LRTM1: variants seen among roughly 807,000 people sequenced by gnomAD.
LRTM1 encodes the protein leucine rich repeat transmembrane protein 1, also known as leucine-rich repeat and transmembrane domain-containing protein 1.
A neutral mutation model predicts 32.4 loss-of-function variants in LRTM1; 38 were observed. The observed-to-expected ratio is 1.17, with a 90% CI of 0.91 to 1.54. The LOEUF is 1.54. LRTM1 is among the 40% of genes most tolerant of loss of function. The pLI, the probability that LRTM1 is intolerant of heterozygous loss-of-function variation, is 0.00. For missense variants in LRTM1, 466 were observed against 415.4 expected (o/e 1.12, Z -1.06); for synonymous variants, 186 against 169.9 (o/e 1.09, Z -0.74).
intron 1 of LRTM1, among the ~76,000 whole-genome samples, chr3:54,939,436 T>C (rs1184962484): frequency 1.3e-5 from 2 of 152,168 alleles, no homozygotes; most frequent in South Asian, 4.1e-4. Context: ...TCCCCTGGCA[T>C]GTGGAGAAAT....
chr3:54,960,899 A>G (rs1047164098), intron 1 of LRTM1, among the ~76,000 whole-genome samples: 2 of 152,232 alleles, frequency 1.3e-5, no homozygotes, highest in East Asian at 1.9e-4. Context: ...TTGGACACCA[A>G]CAGACCTCCG....
chr3:54,922,703 G>A (rs1397879108), intron 2 of LRTM1, among the ~76,000 whole-genome samples: 2 of 151,926 alleles, frequency 1.3e-5, no homozygotes, highest in Non-Finnish European at 2.9e-5. Flanking sequence ...CTGAGCTTCG[G>A]GCTTAAATAT....
upstream of LRTM1, among the ~76,000 whole-genome samples, chr3:54,931,239 A>C (rs1241583443): frequency 6.6e-6 from 1 of 152,198 alleles, no homozygotes; most frequent in Non-Finnish European, 1.5e-5. Context: ...GGTTCCTGGC[A>C]ACATCTGCTT....
At chr3:54,928,154 GC>G (rs1299588666), upstream of LRTM1, 2 of 521,508 alleles carry the variant, frequency 3.8e-6, no homozygotes, top group Non-Finnish European at 6.8e-6. Context: ...TTGGGATCGT[GC>G]CCCTCTTCTT....
At chr3:54,952,135 T>C (rs1322682498) in intron 1 of LRTM1, among the ~76,000 whole-genome samples, 1 of 152,212 alleles carries the variant, frequency 6.6e-6, no homozygotes, top group Non-Finnish European at 1.5e-5. Flanking sequence ...TGTTAGCCAC[T>C]GGGCCTGGCT....
intron 1 of LRTM1, among the ~76,000 whole-genome samples, chr3:54,925,887 A>G (rs560069427): frequency 2.0e-4 from 31 of 152,358 alleles, no homozygotes; most frequent in South Asian, 4.1e-4. Context: ...TGCCGTTGTA[A>G]TTCCATGAAC....
intron 1 of LRTM1, 66 bp from the exon 2 acceptor site, chr3:54,925,281 G>C (rs1049684424): frequency 2.2e-6 from 3 of 1,337,392 alleles, no homozygotes; most frequent in Non-Finnish European, 3.1e-6. Flanking sequence ...GCACTTTTCC[G>C]CCTTTGAATT....
chr3:54,949,670 T>G (rs1441010402), intron 1 of LRTM1, among the ~76,000 whole-genome samples: 1 of 152,196 alleles, frequency 6.6e-6, no homozygotes, highest in Non-Finnish European at 1.5e-5. Flanking sequence ...AACAGTAACC[T>G]GAAAAACCGC....
At chr3:54,925,241 A>G in intron 1 of LRTM1, 26 bp from the exon 2 acceptor site, 1 of 1,579,808 alleles carries the variant, frequency 6.3e-7, no homozygotes, top group Non-Finnish European at 8.7e-7. Flanking sequence ...AGAAATTGGG[A>G]TAGGAACCAG....
At chr3:54,944,212 G>T (rs1701550551) in intron 1 of LRTM1, among the ~76,000 whole-genome samples, 1 of 151,976 alleles carries the variant, frequency 6.6e-6, no homozygotes, top group Non-Finnish European at 1.5e-5. Flanking sequence ...TTCATTCATT[G>T]TGCTGAGGAC....
At chr3:54,944,336 T>A (rs945737190) in intron 1 of LRTM1, among the ~76,000 whole-genome samples, 19 of 152,254 alleles carry the variant, frequency 1.2e-4, no homozygotes, top group African/African-American at 4.6e-4. Context: ...TCCCAACATA[T>A]ATCTTTCTAC....
chr3:54,945,584 C>A (rs1701591594), intron 1 of LRTM1, among the ~76,000 whole-genome samples: 1 of 152,134 alleles, frequency 6.6e-6, no homozygotes, highest in Non-Finnish European at 1.5e-5. Flanking sequence ...TAACCTGGGG[C>A]AAGTTATGTA....
intron 2 of LRTM1, among the ~76,000 whole-genome samples, chr3:54,919,416 G>C (rs1042206950): frequency 2.6e-5 from 4 of 152,218 alleles, no homozygotes; most frequent in African/African-American, 9.7e-5. Context: ...GAATGGTCTT[G>C]GAGTGATCTG....
chr3:54,942,383 G>A (rs986532322), intron 1 of LRTM1, among the ~76,000 whole-genome samples: 2 of 152,170 alleles, frequency 1.3e-5, no homozygotes, highest in African/African-American at 2.4e-5. Context: ...CAGCCTCCAC[G>A]AGAGCATGCA....
intron 1 of LRTM1, among the ~76,000 whole-genome samples, chr3:54,938,221 C>T (rs988545686): frequency 6.6e-6 from 1 of 152,246 alleles, no homozygotes; most frequent in Non-Finnish European, 1.5e-5. Flanking sequence ...GGCTCCAGTA[C>T]TGCCTGGATG....
chr3:54,941,079 G>A (rs1200631924), intron 1 of LRTM1, among the ~76,000 whole-genome samples: 1 of 152,166 alleles, frequency 6.6e-6, no homozygotes. Flanking sequence ...CTGGACTAGG[G>A]GAGGTTTTCC....
intron 1 of LRTM1, among the ~76,000 whole-genome samples, chr3:54,961,202 C>G (rs1189428213): frequency 6.6e-6 from 1 of 152,004 alleles, no homozygotes; most frequent in East Asian, 1.9e-4. Flanking sequence ...CCATGGTGCA[C>G]AAAGAAATAA....
intron 1 of LRTM1, among the ~76,000 whole-genome samples, chr3:54,946,763 TC>T: frequency 6.6e-6 from 1 of 150,622 alleles, no homozygotes; most frequent in South Asian, 2.1e-4. Flanking sequence ...ACACCCGAAA[TC>T]ATGGAAGAAA....
At chr3:54,949,915 C>A (rs1196962294) in intron 1 of LRTM1, among the ~76,000 whole-genome samples, 2 of 152,180 alleles carry the variant, frequency 1.3e-5, no homozygotes, top group Non-Finnish European at 2.9e-5. Context: ...TCTAGTCTAC[C>A]TGAGGGCCAC....
Sources: allele counts gnomAD v4.1 joint callset (sites outside exome capture counted in the v4.1 genomes callset), GRCh38; gene constraint gnomAD v4.1.1; transcripts MANE v1.5; gene names NCBI Gene and HGNC (gene_info 2026-07-23, HGNC 2026-07-21).